The following ULK4 variants were observed in gnomAD, a reference collection of about 807,000 sequenced individuals.
The protein encoded by ULK4 is inactive serine/threonine-protein kinase ULK4.
Under a neutral mutation model 160.6 loss-of-function variants are expected in ULK4, and 133 were observed. The ratio of observed to expected loss-of-function variants is 0.83; its 90% CI spans 0.72 to 0.96. The LOEUF (loss-of-function observed/expected upper bound fraction) is 0.96, where lower values mean the gene tolerates loss of function less well. Among genes scored for constraint, ULK4 ranks in the 40% least tolerant of loss-of-function variants. ULK4 has a pLI of 0.00. For missense variants in ULK4, 1,580 were observed against 1,499.5 expected, an observed-to-expected ratio of 1.05 and a Z score of -0.89; for synonymous variants, 534 against 539.8, an observed-to-expected ratio of 0.99 and a Z score of 0.15.
chr3:41,812,568 G>T (rs967621179), intron 19 of ULK4, among the ~76,000 whole-genome samples: 1 of 152,126 alleles, frequency 6.6e-6, no homozygotes, highest in African/African-American at 2.4e-5. Flanking sequence ...TCAAAAGATG[G>T]GAATTTCAGT....
At chr3:41,946,214 A>T (rs1294935986) in intron 2 of ULK4, among the ~76,000 whole-genome samples, 1 of 152,242 alleles carries the variant, frequency 6.6e-6, no homozygotes, top group African/African-American at 2.4e-5. Flanking sequence ...TTTTAGTAAT[A>T]AAGGAATAAC....
intron 34 of ULK4, among the ~76,000 whole-genome samples, chr3:41,437,465 T>C (rs1040350527): frequency 3.3e-5 from 5 of 152,182 alleles, no homozygotes; most frequent in African/African-American, 1.2e-4. Context: ...AAATGTTGGG[T>C]ATCTCTGGTG....
chr3:41,434,899 C>T (rs957598624), intron 34 of ULK4, among the ~76,000 whole-genome samples: 1 of 151,996 alleles, frequency 6.6e-6, no homozygotes, highest in African/African-American at 2.4e-5. Context: ...TTTATTTTTC[C>T]CATAGCGATC....
At chr3:41,769,022 C>T (rs1009226635) in intron 21 of ULK4, among the ~76,000 whole-genome samples, 4 of 152,140 alleles carry the variant, frequency 2.6e-5, no homozygotes, top group African/African-American at 7.2e-5. Flanking sequence ...TTCAGCTATA[C>T]TAATAATCTT....
At chr3:41,629,082 G>C (rs957027234) in intron 30 of ULK4, among the ~76,000 whole-genome samples, 14 of 152,090 alleles carry the variant, frequency 9.2e-5, no homozygotes, top group African/African-American at 3.4e-4. Flanking sequence ...GTTACCTTTT[G>C]CTGCATAACT....
At chr3:41,785,728 T>C (rs983594981) in intron 21 of ULK4, among the ~76,000 whole-genome samples, 2 of 152,164 alleles carry the variant, frequency 1.3e-5, no homozygotes, top group African/African-American at 4.8e-5. Context: ...TATAGACAGG[T>C]ATAGACGACA....
intron 22 of ULK4, among the ~76,000 whole-genome samples, chr3:41,740,821 G>C (rs2038218330): frequency 6.6e-6 from 1 of 151,930 alleles, no homozygotes; most frequent in African/African-American, 2.4e-5. Flanking sequence ...ACAATTTTCT[G>C]TATAAACTCA....
Position 41,808,560 on chromosome 3 carries a change from T to C in ULK4, c.1849-8267A>G, listed in dbSNP as rs2040722952. Among the ~76,000 whole-genome samples the C allele has an allele frequency of 2.6e-5, 4 of 152,346 alleles. No individual in the cohort carries two copies. In the South Asian group the frequency reaches 6.2e-4, roughly 24 times the overall value. On this transcript the variant is annotated intron_variant, in intron 19 of 36. Transcript: ENST00000301831. ...TCTTTGGGAAAGATAACTGAGCTAATGCCTATTGCTTAAATCAAAGACCTA... is the reference window on the plus strand; with the variant it reads ...TCTTTGGGAAAGATAACTGAGCTAACGCCTATTGCTTAAATCAAAGACCTA...
chr3:41,803,240 A>G (rs1253673464), intron 19 of ULK4, among the ~76,000 whole-genome samples: 2 of 151,848 alleles, frequency 1.3e-5, no homozygotes, highest in Admixed American at 6.5e-5. Context: ...ATTGGATAAC[A>G]CTATTAACTC....
intron 34 of ULK4, among the ~76,000 whole-genome samples, chr3:41,407,401 CA>C (rs1008486049): frequency 6.6e-6 from 1 of 152,014 alleles, no homozygotes; most frequent in Non-Finnish European, 1.5e-5. Flanking sequence ...AAAGATAGTA[CA>C]AAAAACAACA....
At chr3:41,514,168 G>T (rs1464945013) in intron 32 of ULK4, among the ~76,000 whole-genome samples, 2 of 152,094 alleles carry the variant, frequency 1.3e-5, no homozygotes, top group Admixed American at 1.3e-4. Flanking sequence ...GGTAGATTTT[G>T]CTTGAAACAG....
chr3:41,934,915 G>A (rs1699711010), intron 4 of ULK4, among the ~76,000 whole-genome samples: 1 of 151,792 alleles, frequency 6.6e-6, no homozygotes, highest in Non-Finnish European at 1.5e-5. Flanking sequence ...ATAGGTTAGT[G>A]CATTAAGTAA....
chr3:41,379,519 A>T (rs2081599702), intron 35 of ULK4, among the ~76,000 whole-genome samples: 1 of 152,208 alleles, frequency 6.6e-6, no homozygotes, highest in African/African-American at 2.4e-5. Context: ...ACGTTAAACA[A>T]GCCTCAATAA....
intron 35 of ULK4, among the ~76,000 whole-genome samples, chr3:41,349,695 A>G (rs914620633): frequency 5.9e-5 from 9 of 152,144 alleles, no homozygotes; most frequent in African/African-American, 2.2e-4. Context: ...TTCCACCCTC[A>G]TTCCATTTGT....
At chr3:41,522,129 CTTTTTTTT>C (rs57720185) in intron 32 of ULK4, among the ~76,000 whole-genome samples, 1 of 135,956 alleles carries the variant, frequency 7.4e-6, no homozygotes, top group African/African-American at 2.8e-5. Context: ...TCTTTTTTTT[CTTTTTTTT>C]TTTTTTTGAG....
At chr3:41,547,333 C>A (rs2086897239) in intron 32 of ULK4, among the ~76,000 whole-genome samples, 1 of 151,736 alleles carries the variant, frequency 6.6e-6, no homozygotes, top group African/African-American at 2.4e-5. Context: ...TTGATTACAG[C>A]ATCTAAGAGA....
intron 17 of ULK4, among the ~76,000 whole-genome samples, chr3:41,839,197 G>A (rs1365259340): frequency 6.6e-6 from 1 of 151,686 alleles, no homozygotes; most frequent in Non-Finnish European, 1.5e-5. Flanking sequence ...AAAATTAGCT[G>A]GGCATGGTGG....
intron 35 of ULK4, among the ~76,000 whole-genome samples, chr3:41,355,288 A>G (rs1216123426): frequency 6.6e-6 from 1 of 152,150 alleles, no homozygotes; most frequent in African/African-American, 2.4e-5. Flanking sequence ...GCCCACATCT[A>G]AGACTGGACC....
intron 30 of ULK4, among the ~76,000 whole-genome samples, chr3:41,649,079 G>A (rs2034629762): frequency 6.6e-6 from 1 of 151,256 alleles, no homozygotes; most frequent in East Asian, 1.9e-4. Context: ...AGTGAGCCGA[G>A]ATTACGCCAC....
Sources: allele counts gnomAD v4.1 joint callset (sites outside exome capture counted in the v4.1 genomes callset), GRCh38; gene constraint gnomAD v4.1.1; transcripts MANE v1.5; gene names NCBI Gene and HGNC (gene_info 2026-07-23, HGNC 2026-07-21).